The following CCDC77 variants were observed in gnomAD, a reference collection of about 807,000 sequenced individuals.
CCDC77 encodes coiled-coil domain containing 77.
A neutral mutation model predicts 66.8 loss-of-function variants in CCDC77; 56 were observed. That is an observed-to-expected ratio of 0.84 (90% CI 0.68 to 1.05). The LOEUF is 1.05. CCDC77 is among the 50% of genes least tolerant of loss of function. The probability of loss-of-function intolerance (pLI) is 0.00; values close to 1 mark genes in which losing one functional copy is unlikely to be tolerated. For synonymous variants in CCDC77, 196 were observed against 195.2 expected (o/e 1.00, Z -0.03); for missense variants, 570 against 576.8 (o/e 0.99, Z 0.12).
rs142877322 is a variant in CCDC77, at chr12:394,929, A to G, written c.-113+5443A>G. Among the ~76,000 whole-genome samples, 52 of 152,342 alleles carry G rather than the reference A, an allele frequency of 3.4e-4. No homozygotes were observed. The East Asian group carries it at 7.1e-3, about 21-fold the overall frequency. On this transcript the variant is annotated intron_variant, in intron 1 of 11. Transcript: ENST00000422000. ...AAAAAGACAAAGTATCGGCTCTCAT[A>G]CAGCTCACTAGTAGAAAGGGAAGAC... is the stretch of plus-strand genomic sequence containing the variant.
At chr12:397,508 A>C (rs947966977), upstream of CCDC77, among the ~76,000 whole-genome samples, 1 of 152,160 alleles carries the variant, frequency 6.6e-6, no homozygotes, top group Non-Finnish European at 1.5e-5. Context: ...AATAAAGTGA[A>C]TATCACCATA....
intron 1 of CCDC77, among the ~76,000 whole-genome samples, chr12:403,998 C>T (rs1203032708): frequency 2.0e-5 from 3 of 152,158 alleles, no homozygotes; most frequent in Non-Finnish European, 4.4e-5. Flanking sequence ...TGCCAAGGTC[C>T]GGTCCCAAAG....
In CCDC77 at chr12:416,365, GTGTGTGTGTGTGTATATA is replaced by G. The variant is rs1385490703; in HGVS notation, c.271-2127_271-2110del. Among the ~76,000 whole-genome samples the G allele has an allele frequency of 6.4e-3, 250 of 38,808 alleles. 1 individual carries two copies. Among genetic ancestry groups the G allele is most frequent in the South Asian group, 0.025 (22 of 878 alleles). 25.5% of individuals were successfully genotyped at this position (38,808 alleles called of 152,430 possible). A position where few individuals can be genotyped will look rare whatever the true frequency, so the allele number is the denominator to read the frequency against. Reference sequence around the variant, plus strand: ...TGGGGGTGTGTGTGTGTGTGTGTGTGTGTGTGTGTGTGTATATATATATATATATATATATATATATAT... The same window carrying G: ...TGGGGGTGTGTGTGTGTGTGTGTGTGTATATATATATATATATATATATAT... On this transcript the variant is annotated intron_variant, in intron 4 of 12. Transcript: ENST00000239830.
intron 4 of CCDC77, among the ~76,000 whole-genome samples, chr12:418,211 C>T (rs749259540): frequency 2.4e-4 from 37 of 152,084 alleles, no homozygotes; most frequent in South Asian, 1.0e-3. Context: ...CTCAGCTACT[C>T]GGGAGGCTGA....
At chr12:410,792 C>T (rs1003482140) in intron 3 of CCDC77, among the ~76,000 whole-genome samples, 7 of 152,112 alleles carry the variant, frequency 4.6e-5, no homozygotes, top group African/African-American at 1.2e-4. Flanking sequence ...CTAATTTGCC[C>T]GCCTTGGCCT....
intron 1 of CCDC77, among the ~76,000 whole-genome samples, chr12:404,260 G>A (rs1464772020): frequency 6.6e-6 from 1 of 152,248 alleles, no homozygotes; most frequent in African/African-American, 2.4e-5. Flanking sequence ...AGGTTGCAGT[G>A]AGCCAAGATC....
upstream of CCDC77, among the ~76,000 whole-genome samples, chr12:400,478 A>G (rs1266627528): frequency 6.6e-6 from 1 of 152,118 alleles, no homozygotes; most frequent in East Asian, 1.9e-4. Flanking sequence ...TCAGCTTTTT[A>G]TTTAAAGTAA....
intron 8 of CCDC77, among the ~76,000 whole-genome samples, chr12:432,726 C>G (rs150489411): frequency 5.3e-5 from 8 of 152,178 alleles, no homozygotes; most frequent in Admixed American, 5.2e-4. Flanking sequence ...CTTGTATAGC[C>G]TAACCCCATT....
At chr12:392,115 TG>T in intron 1 of CCDC77, among the ~76,000 whole-genome samples, 1 of 152,150 alleles carries the variant, frequency 6.6e-6, no homozygotes, top group East Asian at 1.9e-4. Flanking sequence ...GGAGTATAAC[TG>T]TAGTTTAAAA....
chr12:426,861 C>T (rs932341345), intron 5 of CCDC77, among the ~76,000 whole-genome samples: 1 of 152,108 alleles, frequency 6.6e-6, no homozygotes, highest in African/African-American at 2.4e-5. Flanking sequence ...GCTATAGACC[C>T]TTTGGAGGAT....
At chr12:426,648 C>T (rs1945537837) in intron 5 of CCDC77, among the ~76,000 whole-genome samples, 1 of 152,014 alleles carries the variant, frequency 6.6e-6, no homozygotes, top group African/African-American at 2.4e-5. Flanking sequence ...GAAGAAATGC[C>T]CATTGATTTG....
At chr12:423,479 GTTTTTTTTTGTTTTGTTTTTT>G (rs1945464035) in intron 5 of CCDC77, among the ~76,000 whole-genome samples, 3 of 21,232 alleles carry the variant, frequency 1.4e-4, no homozygotes, top group Non-Finnish European at 2.0e-4. Context: ...TGTTTTTTGT[GTTTTTTTTTGTTTTGTTTTTT>G]TTTTTTTTTT....
intron 8 of CCDC77, among the ~76,000 whole-genome samples, chr12:432,553 A>G (rs1361866638): frequency 6.6e-6 from 1 of 152,236 alleles, no homozygotes; most frequent in Non-Finnish European, 1.5e-5. Flanking sequence ...GAAACCAAAA[A>G]CTAAGAAAAG....
chr12:439,393 A>G (rs1164463504), intron 10 of CCDC77, among the ~76,000 whole-genome samples: 1 of 147,994 alleles, frequency 6.8e-6, no homozygotes, highest in Non-Finnish European at 1.5e-5. Context: ...GGTGGTGGGC[A>G]CCTGTAATCC....
intron 1 of CCDC77, among the ~76,000 whole-genome samples, chr12:403,533 A>T (rs1221871130): frequency 6.6e-6 from 1 of 152,180 alleles, no homozygotes; most frequent in East Asian, 1.9e-4. Context: ...TCACTCTGTC[A>T]CCTAGGCTGG....
intron 1 of CCDC77, among the ~76,000 whole-genome samples, chr12:392,748 A>C (rs1432370731): frequency 6.6e-6 from 1 of 150,500 alleles, no homozygotes; most frequent in Non-Finnish European, 1.5e-5. Context: ...CTGTCTCACA[A>C]AAAAAAAAAT....
intron 3 of CCDC77, among the ~76,000 whole-genome samples, chr12:410,570 A>C (rs748524753): frequency 1.3e-5 from 2 of 149,526 alleles, no homozygotes; most frequent in East Asian, 3.9e-4. Context: ...TTTTGGTAGA[A>C]ACTAGGTTCC....
chr12:427,125 G>A (rs546416835), intron 5 of CCDC77, among the ~76,000 whole-genome samples: 111 of 152,150 alleles, frequency 7.3e-4, no homozygotes, highest in East Asian at 9.7e-4. Flanking sequence ...TGCGCCTGTA[G>A]TCCCAGCTAC....
In CCDC77 at chr12:428,850, G is replaced by T. The variant is rs1356172231; in HGVS notation, c.495G>T (p.Lys165Asn). The T allele has an allele frequency of 1.2e-6, 2 of 1,609,060 alleles. No homozygotes were observed. Among genetic ancestry groups the T allele is most frequent in the Non-Finnish European group, 1.7e-6 (2 of 1,176,242 alleles). The change falls in exon 6 of 13, where the codon AAG (lysine) becomes AAT (asparagine). Residue 165 changes from lysine (K) to asparagine (N), a missense_variant. By Grantham distance (94) the Lys-to-Asn change is moderately conservative (BLOSUM62 0). Transcript: ENST00000239830. ...CTGGAGAAGTGACCTATTTTTGTAA[G>T]GAGCCTCCTCACAAAGTAAGTAATC... ...TDAGEVTYFC[K>N]EPPHKVTILQ...
Sources: gnomAD v4.1 joint callset for allele counts (sites outside exome capture counted in the v4.1 genomes callset) on GRCh38, gnomAD v4.1.1 for gene constraint, MANE v1.5 for transcripts, NCBI Gene and HGNC (gene_info 2026-07-23, HGNC 2026-07-21) for gene names.